The following PSMB2 variants were observed in gnomAD, a reference collection of about 807,000 sequenced individuals.
PSMB2 encodes the protein proteasome 20S subunit beta 2, also known as proteasome subunit beta type-2.
A neutral mutation model predicts 25.7 loss-of-function variants in PSMB2; 13 were observed. That is an observed-to-expected ratio of 0.51 (90% CI 0.33 to 0.80). PSMB2 has a LOEUF of 0.80. PSMB2 is among the 30% of genes least tolerant of loss of function. The probability of loss-of-function intolerance (pLI) is 0.02; values close to 1 mark genes in which losing one functional copy is unlikely to be tolerated. For synonymous variants in PSMB2, 87 were observed against 96.2 expected, an observed-to-expected ratio of 0.90 and a Z score of 0.56; for missense variants, 202 against 259.0, an observed-to-expected ratio of 0.78 and a Z score of 1.51.
Position 35,600,296 on chromosome 1 carries a change from C to T in PSMB2, c.*2971G>A, listed in dbSNP as rs1409644523. 1.0e-6 allele frequency: 1 copy of T among 965,260 alleles called. No homozygotes were observed. The highest frequency in any genetic ancestry group is 1.8e-5 in the African/African-American group (1 of 56,784). 59.8% of individuals were successfully genotyped at this position (965,260 alleles called of 1,614,324 possible). On this transcript the variant is annotated 3_prime_UTR_variant, in exon 6 of 6. Transcript: ENST00000373237. ...TTGTATCTTGGATTATATCCTAGAACAGAAGAAAATTAGTGGAAAAACTGG... is the reference window on the plus strand; with the variant it reads ...TTGTATCTTGGATTATATCCTAGAATAGAAGAAAATTAGTGGAAAAACTGG...
At chr1:35,611,505 G>C (rs1239078442) in intron 3 of PSMB2, among the ~76,000 whole-genome samples, 3 of 152,078 alleles carry the variant, frequency 2.0e-5, no homozygotes, top group African/African-American at 7.2e-5. Flanking sequence ...ACCATGCCCT[G>C]CTGATTTATT....
rs1650050908 is a variant in PSMB2 at position 35,603,033 on chromosome 1, T to C, written c.*234A>G. 1 of 1,283,968 alleles carries C rather than the reference T, an allele frequency of 7.8e-7. No individual in the cohort carries two copies. The highest frequency in any genetic ancestry group is 9.9e-7 in the Non-Finnish European group (1 of 1,011,646). The allele number at this position is 1,283,968 out of a possible 1,614,324, so 79.5% of individuals were successfully genotyped here. A position where few individuals can be genotyped will look rare whatever the true frequency, so the allele number is the denominator to read the frequency against. ...GCTGCTAAAGGGTACTGAGCGTTAA[T>C]GGAGGGCGGAGCAGGAAGAAAAGTC... On this transcript the variant is annotated 3_prime_UTR_variant, in exon 6 of 6. Transcript: ENST00000373237.
chr1:35,628,648 T>TTTTTA lies in PSMB2; in HGVS notation c.285+2625_285+2626insTAAAA, dbSNP rs1553125213. ...ATATATATATTTTTTTTTTTTTTTT[T>TTTTTA]AAAGAAAAGACTACTGATCTTTCAC... On this transcript the variant is annotated intron_variant, in intron 3 of 5. Transcript: ENST00000373237. Among the ~76,000 whole-genome samples the TTTTTA allele has an allele frequency of 4.4e-3, 151 of 34,650 alleles. 10 individuals are homozygous for TTTTTA. Among genetic ancestry groups the TTTTTA allele is most frequent in the Non-Finnish European group, 7.0e-3 (81 of 11,586 alleles). 22.7% of individuals were successfully genotyped at this position (34,650 alleles called of 152,430 possible). A position where few individuals can be genotyped will look rare whatever the true frequency, so the allele number is the denominator to read the frequency against.
chr1:35,628,106 T>C (rs1650918787), intron 3 of PSMB2, among the ~76,000 whole-genome samples: 1 of 152,184 alleles, frequency 6.6e-6, no homozygotes, highest in South Asian at 2.1e-4. Flanking sequence ...ATAAGACGAC[T>C]AAAATATAAA....
chr1:35,627,214 C>T (rs1650891417), intron 3 of PSMB2, among the ~76,000 whole-genome samples: 1 of 133,906 alleles, frequency 7.5e-6, no homozygotes, highest in Non-Finnish European at 1.5e-5. Context: ...CTGCAGTGAG[C>T]TGTGACTGTG....
chr1:35,625,470 A>C (rs562399192), intron 3 of PSMB2, among the ~76,000 whole-genome samples: 5 of 152,146 alleles, frequency 3.3e-5, no homozygotes, highest in Non-Finnish European at 7.3e-5. Context: ...ATTCATTTTA[A>C]GTAAGAAATA....
At position 35,641,457 on chromosome 1, in the gene PSMB2, G is replaced by A. The variant is rs1177510946; in HGVS notation, c.-25C>T. ...TGGTGGCGGAAGGCCAGGGGCTGCA[G>A]GTCCGACACAGCACGAGACTCGCCC... On this transcript the variant is annotated 5_prime_UTR_variant, in exon 1 of 6. Transcript: ENST00000373237. The A allele has an allele frequency of 3.1e-6, 5 of 1,613,842 alleles. No homozygotes were observed. Among genetic ancestry groups the A allele is most frequent in the Middle Eastern group, 3.3e-4 (2 of 6,084 alleles).
intron 2 of PSMB2, among the ~76,000 whole-genome samples, chr1:35,632,486 C>G (rs1651133335): frequency 6.6e-6 from 1 of 152,320 alleles, no homozygotes; most frequent in African/African-American, 2.4e-5. Flanking sequence ...AGATTCAAAT[C>G]CTAACAAATA....
chr1:35,632,993 G>A (rs941565919), intron 2 of PSMB2, among the ~76,000 whole-genome samples: 3 of 152,134 alleles, frequency 2.0e-5, no homozygotes, highest in African/African-American at 7.2e-5. Context: ...GCCCAGGTGG[G>A]TGGATCACCT....
rs185807486 is a variant in PSMB2 at position 35,604,873 on chromosome 1, G to C, written c.498+360C>G. Among the ~76,000 whole-genome samples, 495 of 152,354 alleles carry C rather than the reference G, an allele frequency of 3.2e-3. 1 individual carries two copies. The highest frequency in any genetic ancestry group is 4.5e-3 in the Non-Finnish European group (309 of 68,032). On this transcript the variant is annotated intron_variant, in intron 5 of 5. Coordinates refer to ENST00000373237, the MANE Select transcript of PSMB2 (RefSeq NM_002794.5). ...TCACCTGGGACTGCCAGTTAAAGCA[G>C]AGCTTCCCAGTTTGTACCTCAGAAC...
intron 3 of PSMB2, among the ~76,000 whole-genome samples, chr1:35,626,782 A>G (rs1369098323): frequency 6.6e-6 from 1 of 152,238 alleles, no homozygotes; most frequent in African/African-American, 2.4e-5. Context: ...GTAAGTATTT[A>G]GAATAGCACT....
intron 3 of PSMB2, among the ~76,000 whole-genome samples, chr1:35,630,361 C>T (rs1557457502): frequency 6.6e-6 from 1 of 152,042 alleles, no homozygotes; most frequent in Non-Finnish European, 1.5e-5. Flanking sequence ...CAAAAAAAAA[C>T]TTATGTTCAA....
chr1:35,607,611 A>G (rs1206126353), intron 4 of PSMB2, among the ~76,000 whole-genome samples: 2 of 152,252 alleles, frequency 1.3e-5, no homozygotes, highest in Non-Finnish European at 2.9e-5. Flanking sequence ...TAGGGAGGAC[A>G]GTATGGCGGT....
intron 3 of PSMB2, among the ~76,000 whole-genome samples, chr1:35,613,999 A>G (rs1571126501): frequency 6.6e-6 from 1 of 152,182 alleles, no homozygotes; most frequent in Non-Finnish European, 1.5e-5. Context: ...GGAAATTCCT[A>G]TGTGTCTTCA....
intron 1 of PSMB2, among the ~76,000 whole-genome samples, chr1:35,638,936 A>G (rs1036652089): frequency 6.6e-6 from 1 of 152,182 alleles, no homozygotes; most frequent in Non-Finnish European, 1.5e-5. Flanking sequence ...AACAAGCTCC[A>G]TCGTGAAATG....
chr1:35,631,421 G>T, intron 2 of PSMB2, 77 bp from the exon 3 acceptor site: 1 of 1,594,196 alleles, frequency 6.3e-7, no homozygotes, highest in Non-Finnish European at 8.6e-7. Context: ...CACTACCCCT[G>T]TTCCTAAAGC....
intron 3 of PSMB2, among the ~76,000 whole-genome samples, chr1:35,625,795 T>C (rs1650843187): frequency 1.3e-5 from 2 of 150,860 alleles, no homozygotes; most frequent in South Asian, 4.2e-4. Context: ...GCCCCATAAC[T>C]CATCATCCTC....
At chr1:35,636,790 T>C (rs899548377) in intron 1 of PSMB2, among the ~76,000 whole-genome samples, 1 of 152,204 alleles carries the variant, frequency 6.6e-6, no homozygotes, top group Non-Finnish European at 1.5e-5. Context: ...ACCATGTATA[T>C]AATGGACTTT....
rs1553125213 is a variant in PSMB2 at position 35,628,648 on chromosome 1, T to TTTTTTTTTTA, written c.285+2625_285+2626insTAAAAAAAAA. On this transcript the variant is annotated intron_variant, in intron 3 of 5. Coordinates refer to ENST00000373237, the MANE Select transcript of PSMB2 (RefSeq NM_002794.5). Reference sequence around the variant, plus strand: ...ATATATATATTTTTTTTTTTTTTTTTAAAGAAAAGACTACTGATCTTTCAC... The same window carrying TTTTTTTTTTA: ...ATATATATATTTTTTTTTTTTTTTTTTTTTTTTTTAAAAGAAAAGACTACTGATCTTTCAC... Among the ~76,000 whole-genome samples the TTTTTTTTTTA allele has an allele frequency of 8.6e-4, 30 of 34,722 alleles. 1 individual carries two copies. The highest frequency in any genetic ancestry group is 1.7e-3 in the Non-Finnish European group (20 of 11,612). 22.8% of individuals were successfully genotyped at this position (34,722 alleles called of 152,430 possible).
Sources: allele counts gnomAD v4.1 joint callset (sites outside exome capture counted in the v4.1 genomes callset), GRCh38; gene constraint gnomAD v4.1.1; transcripts MANE v1.5; gene names NCBI Gene and HGNC (gene_info 2026-07-23, HGNC 2026-07-21).